CEP128: variants seen among roughly 807,000 people sequenced by gnomAD.
CEP128 encodes centrosomal protein 128.
A neutral mutation model predicts 156.7 loss-of-function variants in CEP128; 132 were observed. That is an observed-to-expected ratio of 0.84 (90% CI 0.73 to 0.97). The LOEUF (loss-of-function observed/expected upper bound fraction) is 0.97. Ranked by LOEUF, CEP128 falls within the 50% of genes least tolerant of loss-of-function variation. CEP128 has a pLI of 0.00. For missense variants in CEP128, 1,252 were observed against 1,281.9 expected, an observed-to-expected ratio of 0.98 and a Z score of 0.36; for synonymous variants, 469 against 448.9, an observed-to-expected ratio of 1.04 and a Z score of -0.57.
intron 19 of CEP128, among the ~76,000 whole-genome samples, chr14:80,588,490 T>TACA (rs1348044929): frequency 6.6e-6 from 1 of 152,126 alleles, no homozygotes; most frequent in Non-Finnish European, 1.5e-5. Context: ...AGAGATAGTT[T>TACA]TAAGGTATAT....
At chr14:80,753,984 T>A (rs1424536699) in intron 18 of CEP128, among the ~76,000 whole-genome samples, 1 of 152,192 alleles carries the variant, frequency 6.6e-6, no homozygotes, top group Non-Finnish European at 1.5e-5. Context: ...TGGGAAAAGC[T>A]TCTTAACTGG....
At chr14:80,887,974 A>G (rs1018665056) in intron 8 of CEP128, among the ~76,000 whole-genome samples, 1 of 152,184 alleles carries the variant, frequency 6.6e-6, no homozygotes, top group Non-Finnish European at 1.5e-5. Context: ...AGAAATACAC[A>G]CTACCATCAG....
intron 9 of CEP128, among the ~76,000 whole-genome samples, chr14:80,844,998 T>G (rs1886528861): frequency 6.6e-6 from 1 of 152,146 alleles, no homozygotes; most frequent in Non-Finnish European, 1.5e-5. Flanking sequence ...TTGCTCTGTT[T>G]CGTGGACACA....
rs80144505 is a variant in CEP128 at position 80,502,320 on chromosome 14, G to A, written c.3181+2592C>T. Among the ~76,000 whole-genome samples the A allele has an allele frequency of 4.7e-4, 71 of 152,244 alleles. No homozygotes were observed. In the East Asian group the frequency reaches 7.5e-3, roughly 16 times the overall value. On this transcript the variant is annotated intron_variant, in intron 24 of 24. Transcript: ENST00000555265. ...AGGAAGGTATAGGATCTGGGCACAC[G>A]GGCATCAATATAGGAAAAGAGTGAA...
intron 21 of CEP128, among the ~76,000 whole-genome samples, chr14:80,539,776 A>G (rs924560308): frequency 4.6e-5 from 7 of 152,140 alleles, no homozygotes; most frequent in African/African-American, 1.4e-4. Flanking sequence ...AGATATCGCC[A>G]AGTTCTTTTC....
At position 80,831,248 on chromosome 14, in the gene CEP128, C is replaced by T; in HGVS notation, c.1104G>A (p.Leu368=). Residue 368 remains leucine, a synonymous_variant, in exon 13 of 25, where the codon TTG becomes TTA. Transcript: ENST00000555265. ...TTGCGCTGAAGTTCAGCTGCACTCT[C>T]AAATCTGACATTTGCTTCTCCAGGT... ...KQDLEKQMSD[L]RVQLNFSAMA... 6.2e-7 allele frequency: 1 copy of T among 1,614,054 alleles called. No individual in the cohort carries two copies. Among genetic ancestry groups the T allele is most frequent in the Non-Finnish European group, 8.5e-7 (1 of 1,179,970 alleles).
Position 80,793,044 on chromosome 14 carries a change from T to A in CEP128, c.1276A>T (p.Ile426Phe). 6.2e-7 allele frequency: 1 copy of A among 1,614,162 alleles called. No homozygotes were observed. The highest frequency in any genetic ancestry group is 8.5e-7 in the Non-Finnish European group (1 of 1,180,002). The stretch of plus-strand genomic sequence containing the variant: ...TCACATGTGTCAAAGTGATTCTGGA[T>A]CTCCTTAAGTCGATCCAACATCTGC... ...QLQMLDRLKE[I>F]QNHFDTCEAE... Residue 426 changes from isoleucine (I) to phenylalanine (F), a missense_variant, in exon 14 of 25, where the codon ATC becomes TTC. Coordinates refer to ENST00000555265, the MANE Select transcript of CEP128 (RefSeq NM_152446.5).
chr14:80,818,933 C>A (rs993372201), intron 13 of CEP128, among the ~76,000 whole-genome samples: 3 of 152,168 alleles, frequency 2.0e-5, no homozygotes, highest in Non-Finnish European at 4.4e-5. Context: ...CATCCTTTTG[C>A]AATAGGAATG....
At chr14:80,687,796 G>T (rs1896577889) in intron 19 of CEP128, among the ~76,000 whole-genome samples, 1 of 152,112 alleles carries the variant, frequency 6.6e-6, no homozygotes, top group South Asian at 2.1e-4. Context: ...CCCTCAAAAT[G>T]AGATCGCACT....
intron 19 of CEP128, among the ~76,000 whole-genome samples, chr14:80,585,923 T>C (rs1340598343): frequency 1.3e-5 from 2 of 152,168 alleles, no homozygotes; most frequent in Non-Finnish European, 2.9e-5. Flanking sequence ...AGCAGCACAT[T>C]ACAACCCTTA....
chr14:80,837,478 G>A (rs749225465), intron 11 of CEP128, among the ~76,000 whole-genome samples: 4 of 152,164 alleles, frequency 2.6e-5, no homozygotes, highest in Non-Finnish European at 5.9e-5. Context: ...CAGCACTTTG[G>A]GAGGCCGAGG....
chr14:80,589,917 A>G (rs1378009282), intron 19 of CEP128, among the ~76,000 whole-genome samples: 1 of 152,164 alleles, frequency 6.6e-6, no homozygotes, highest in Non-Finnish European at 1.5e-5. Context: ...CCAATAAATT[A>G]GTTTAATATT....
At chr14:80,844,018 T>C (rs773278580) in intron 9 of CEP128, among the ~76,000 whole-genome samples, 1 of 152,070 alleles carries the variant, frequency 6.6e-6, no homozygotes, top group Non-Finnish European at 1.5e-5. Flanking sequence ...CATACTTTTT[T>C]TGTCATGTTC....
intron 21 of CEP128, among the ~76,000 whole-genome samples, chr14:80,552,002 GAGA>G (rs1241368789): frequency 6.6e-6 from 1 of 152,170 alleles, no homozygotes; most frequent in Non-Finnish European, 1.5e-5. Flanking sequence ...CGGGATGGGT[GAGA>G]AGTAGTCCTG....
At chr14:80,493,453 T>C (rs1348701468), downstream of CEP128, among the ~76,000 whole-genome samples, 1 of 152,170 alleles carries the variant, frequency 6.6e-6, no homozygotes, top group African/African-American at 2.4e-5. Context: ...AGCTAACATG[T>C]AGCTATGTTT....
rs527386752 is a variant in CEP128 at position 80,584,704 on chromosome 14, C to T, written c.2807-4281G>A. On this transcript the variant is annotated intron_variant, in intron 19 of 24. Coordinates refer to ENST00000555265, the MANE Select transcript of CEP128 (RefSeq NM_152446.5). Reference sequence around the variant, plus strand: ...AAAACACAAGAGAATATAGGTGAGACCCCTAGATAGTTAAAGTGACTTAAT... The same window carrying T: ...AAAACACAAGAGAATATAGGTGAGATCCCTAGATAGTTAAAGTGACTTAAT... Among the ~76,000 whole-genome samples, 58 of 152,240 alleles carry T rather than the reference C, an allele frequency of 3.8e-4. 1 individual carries two copies. Among genetic ancestry groups the T allele is most frequent in the African/African-American group, 1.4e-3 (58 of 41,544 alleles).
intron 19 of CEP128, among the ~76,000 whole-genome samples, chr14:80,610,401 G>C (rs768976453): frequency 6.6e-6 from 1 of 152,106 alleles, no homozygotes; most frequent in East Asian, 1.9e-4. Flanking sequence ...TGTAGTAAGA[G>C]ACATAGATTG....
chr14:80,953,898 T>G (rs1371544134), intron 2 of CEP128, among the ~76,000 whole-genome samples: 1 of 152,166 alleles, frequency 6.6e-6, no homozygotes, highest in African/African-American at 2.4e-5. Context: ...TACGTAATAT[T>G]TTGAGTTTGG....
chr14:80,834,596 C>T (rs920075400), intron 12 of CEP128, among the ~76,000 whole-genome samples: 1 of 152,094 alleles, frequency 6.6e-6, no homozygotes, highest in Non-Finnish European at 1.5e-5. Context: ...AAAAAAACTT[C>T]CAAAATTTTT....
Sources: allele counts gnomAD v4.1 joint callset (sites outside exome capture counted in the v4.1 genomes callset), GRCh38; gene constraint gnomAD v4.1.1; transcripts MANE v1.5; gene names NCBI Gene and HGNC (gene_info 2026-07-23, HGNC 2026-07-21).